ATG5: variants seen among roughly 807,000 people sequenced by gnomAD.
ATG5 encodes the protein autophagy related 5, also known as autophagy protein 5.
A neutral mutation model predicts 36.5 loss-of-function variants in ATG5; 14 were observed. The ratio of observed to expected loss-of-function variants is 0.38; its 90% CI spans 0.25 to 0.60. ATG5 has a LOEUF of 0.60. Among genes scored for constraint, ATG5 ranks in the 20% least tolerant of loss-of-function variants. The pLI is 0.60. For synonymous variants in ATG5, 95 were observed against 101.5 expected, an observed-to-expected ratio of 0.94 and a Z score of 0.38; for missense variants, 195 against 326.7, an observed-to-expected ratio of 0.60 and a Z score of 3.11.
At chr6:106,290,259 A>AT (rs1296013327) in intron 4 of ATG5, among the ~76,000 whole-genome samples, 6 of 141,548 alleles carry the variant, frequency 4.2e-5, no homozygotes, top group Non-Finnish European at 6.1e-5. Context: ...ATTTTATTTT[A>AT]TTTATTTTAT....
chr6:106,315,180 G>A (rs1770793097), intron 2 of ATG5, among the ~76,000 whole-genome samples: 1 of 152,196 alleles, frequency 6.6e-6, no homozygotes, highest in Non-Finnish European at 1.5e-5. Flanking sequence ...AGGCTGAGGA[G>A]CAGCACTGCC....
intron 3 of ATG5, among the ~76,000 whole-genome samples, chr6:106,302,300 A>C (rs1373550884): frequency 6.6e-6 from 1 of 152,100 alleles, no homozygotes; most frequent in Non-Finnish European, 1.5e-5. Flanking sequence ...CAAGTAGCTT[A>C]GTACACCTGG....
intron 7 of ATG5, among the ~76,000 whole-genome samples, chr6:106,193,363 A>G (rs1776043608): frequency 6.6e-6 from 1 of 152,174 alleles, no homozygotes; most frequent in Non-Finnish European, 1.5e-5. Context: ...TATCTTTATT[A>G]TATTTTCAGA....
In ATG5 at chr6:106,248,121, T is replaced by C. The variant is rs187511626; in HGVS notation, c.573+29A>G. On this transcript the variant is annotated intron_variant, in intron 6 of 7. Transcript: ENST00000369076. Reference sequence around the variant, plus strand: ...TTAAGATGTCTGAGGCTTTCATAAATGGATGTTTTTTAAAATGTTATTTCC... The same window carrying C: ...TTAAGATGTCTGAGGCTTTCATAAACGGATGTTTTTTAAAATGTTATTTCC... 231 of 1,509,452 alleles carry C rather than the reference T, an allele frequency of 1.5e-4. 2 individuals are homozygous for C. In the Admixed American group the frequency reaches 3.4e-3, roughly 22 times the overall value. The allele number at this position is 1,509,452 out of a possible 1,614,324, so 93.5% of individuals were successfully genotyped here. A position where few individuals can be genotyped will look rare whatever the true frequency, so the allele number is the denominator to read the frequency against.
In ATG5 at chr6:106,293,735, C is replaced by T. The variant is rs984604636; in HGVS notation, c.237-629G>A. On this transcript the variant is annotated intron_variant, in intron 3 of 7. Coordinates refer to ENST00000369076, the MANE Select transcript of ATG5 (RefSeq NM_004849.4). ...ATTCTAAATTTAAAAAAATAAGTTC[C>T]AAAATAAGAGAACATTTCCTAATAT... Among the ~76,000 whole-genome samples the T allele has an allele frequency of 3.9e-5, 6 of 152,066 alleles. No homozygotes were observed. In the East Asian group the frequency reaches 1.2e-3, roughly 29 times the overall value.
intron 4 of ATG5, among the ~76,000 whole-genome samples, chr6:106,285,786 T>G (rs751362684): frequency 2.0e-5 from 3 of 152,222 alleles, no homozygotes; most frequent in Non-Finnish European, 4.4e-5. Flanking sequence ...TTTCATGCAA[T>G]TTTCACGTCA....
At chr6:106,245,842 C>T (rs908537720) in intron 6 of ATG5, among the ~76,000 whole-genome samples, 6 of 152,040 alleles carry the variant, frequency 3.9e-5, no homozygotes, top group Admixed American at 3.3e-4. Context: ...ATAAATGCTA[C>T]ATTTAACAAA....
chr6:106,217,799 C>G (rs1364058833), intron 6 of ATG5, among the ~76,000 whole-genome samples: 1 of 152,038 alleles, frequency 6.6e-6, no homozygotes, highest in Non-Finnish European at 1.5e-5. Context: ...CAAAAAAATT[C>G]AAAATTTTGG....
intron 3 of ATG5, among the ~76,000 whole-genome samples, chr6:106,303,294 G>A (rs559741348): frequency 6.6e-6 from 1 of 152,030 alleles, no homozygotes; most frequent in South Asian, 2.1e-4. Flanking sequence ...ACAACTCTAT[G>A]TTCATAAATT....
chr6:106,195,929 A>G (rs1316244678), intron 7 of ATG5, among the ~76,000 whole-genome samples: 1 of 152,092 alleles, frequency 6.6e-6, no homozygotes, highest in African/African-American at 2.4e-5. Flanking sequence ...TTAAAAGAAC[A>G]GCTTCACAAA....
At chr6:106,211,497 T>G (rs1776849624) in intron 6 of ATG5, among the ~76,000 whole-genome samples, 1 of 152,004 alleles carries the variant, frequency 6.6e-6, no homozygotes. Flanking sequence ...GATCATGAGG[T>G]CGGGAGTTCG....
chr6:106,287,151 T>G (rs1048907516), intron 4 of ATG5, among the ~76,000 whole-genome samples: 1 of 152,178 alleles, frequency 6.6e-6, no homozygotes, highest in Non-Finnish European at 1.5e-5. Flanking sequence ...GGAGAGACCA[T>G]GAAATACACT....
intron 3 of ATG5, among the ~76,000 whole-genome samples, chr6:106,293,635 A>G (rs1780410486): frequency 6.6e-6 from 1 of 152,160 alleles, no homozygotes; most frequent in Non-Finnish European, 1.5e-5. Flanking sequence ...ATCCTTTACA[A>G]ACTGTACTAT....
chr6:106,257,446 AG>A (rs1203635460), intron 5 of ATG5, among the ~76,000 whole-genome samples: 4 of 152,208 alleles, frequency 2.6e-5, no homozygotes, highest in Admixed American at 6.5e-5. Context: ...TGATGGTACA[AG>A]GGCTATCAGG....
At chr6:106,231,454 T>C (rs1777687300) in intron 6 of ATG5, among the ~76,000 whole-genome samples, 1 of 152,166 alleles carries the variant, frequency 6.6e-6, no homozygotes, top group African/African-American at 2.4e-5. Flanking sequence ...AGACCCTCAC[T>C]GGGACACAGA....
intron 6 of ATG5, among the ~76,000 whole-genome samples, chr6:106,243,846 G>A (rs1437103683): frequency 7.2e-6 from 1 of 138,704 alleles, no homozygotes; most frequent in Non-Finnish European, 1.6e-5. Context: ...AAATAAATAA[G>A]TAAGTAAATA....
At chr6:106,191,276 AAC>A (rs1775958183) in intron 7 of ATG5, among the ~76,000 whole-genome samples, 1 of 152,160 alleles carries the variant, frequency 6.6e-6, no homozygotes, top group African/African-American at 2.4e-5. Flanking sequence ...TTTATGTAGA[AAC>A]CCAATATACA....
At chr6:106,239,147 C>A in intron 6 of ATG5, among the ~76,000 whole-genome samples, 1 of 149,628 alleles carries the variant, frequency 6.7e-6, no homozygotes, top group Non-Finnish European at 1.5e-5. Flanking sequence ...ACTATAATAG[C>A]AATGCAATAA....
At chr6:106,206,066 T>C (rs1776617733) in intron 6 of ATG5, among the ~76,000 whole-genome samples, 1 of 152,212 alleles carries the variant, frequency 6.6e-6, no homozygotes, top group Non-Finnish European at 1.5e-5. Context: ...GGGAGTTAGT[T>C]ACTTCTATCA....
Sources: allele counts gnomAD v4.1 joint callset (sites outside exome capture counted in the v4.1 genomes callset), GRCh38; gene constraint gnomAD v4.1.1; transcripts MANE v1.5; gene names NCBI Gene and HGNC (gene_info 2026-07-23, HGNC 2026-07-21).